SSBP2: variants seen among roughly 807,000 people sequenced by gnomAD.
SSBP2 encodes the protein single stranded DNA binding protein 2.
In SSBP2, 17 loss-of-function variants were observed where a neutral mutation model predicts 61.8. The observed-to-expected ratio is 0.28, with a 90% CI of 0.19 to 0.41. The LOEUF (loss-of-function observed/expected upper bound fraction) is 0.41. Ranked by LOEUF, SSBP2 falls within the 10% of genes least tolerant of loss-of-function variation. SSBP2 has a pLI of 1.00. For synonymous variants in SSBP2, 139 were observed against 141.3 expected (o/e 0.98, Z 0.12); for missense variants, 310 against 458.7 (o/e 0.68, Z 2.96).
At chr5:81,497,975 T>C (rs897824814) in intron 5 of SSBP2, among the ~76,000 whole-genome samples, 3 of 152,158 alleles carry the variant, frequency 2.0e-5, no homozygotes, top group East Asian at 1.9e-4. Context: ...AACAATTCTA[T>C]ATAGCAGTTT....
intron 1 of SSBP2, among the ~76,000 whole-genome samples, chr5:81,661,083 G>A (rs1408458908): frequency 6.6e-6 from 1 of 152,058 alleles, no homozygotes; most frequent in African/African-American, 2.4e-5. Context: ...TAGATGACAG[G>A]TTGATAGGTA....
intron 4 of SSBP2, among the ~76,000 whole-genome samples, chr5:81,537,208 G>GC (rs1770876400): frequency 6.6e-6 from 1 of 152,028 alleles, no homozygotes; most frequent in Non-Finnish European, 1.5e-5. Flanking sequence ...TTTTGGGGGG[G>GC]ATTTCTGTGA....
intron 12 of SSBP2, 45 bp from the exon 13 acceptor site, chr5:81,442,768 TACCCAA>T (rs765067977): frequency 9.7e-7 from 1 of 1,027,750 alleles, no homozygotes. Context: ...TTAGAGTCTA[TACCCAA>T]TTCATCACAA....
At chr5:81,740,984 G>A (rs1445198520) in intron 1 of SSBP2, among the ~76,000 whole-genome samples, 1 of 152,010 alleles carries the variant, frequency 6.6e-6, no homozygotes, top group African/African-American at 2.4e-5. Flanking sequence ...CCATCCTCAT[G>A]CCACCTCCCA....
chr5:81,657,532 T>C (rs1021261553), intron 1 of SSBP2, among the ~76,000 whole-genome samples: 7 of 152,216 alleles, frequency 4.6e-5, no homozygotes, highest in African/African-American at 1.4e-4. Flanking sequence ...AAGTAACAGA[T>C]GAAGTCCAAC....
intron 4 of SSBP2, among the ~76,000 whole-genome samples, chr5:81,586,565 G>T (rs1775067126): frequency 6.8e-6 from 1 of 147,858 alleles, no homozygotes; most frequent in African/African-American, 2.5e-5. Context: ...GTTCTGTATT[G>T]ATTCTAAATA....
At chr5:81,637,968 T>C (rs997627179) in intron 2 of SSBP2, among the ~76,000 whole-genome samples, 12 of 151,932 alleles carry the variant, frequency 7.9e-5, no homozygotes, top group African/African-American at 1.5e-4. Flanking sequence ...ATGGATGAAA[T>C]TGGAAATCAT....
At chr5:81,645,554 T>A (rs945074964) in intron 2 of SSBP2, among the ~76,000 whole-genome samples, 1 of 152,224 alleles carries the variant, frequency 6.6e-6, no homozygotes, top group African/African-American at 2.4e-5. Flanking sequence ...TTCTGAGACA[T>A]GAATACCATG....
At chr5:81,631,650 A>G (rs1056061797) in intron 3 of SSBP2, among the ~76,000 whole-genome samples, 3 of 152,088 alleles carry the variant, frequency 2.0e-5, no homozygotes, top group Non-Finnish European at 2.9e-5. Context: ...GCGCCTACTC[A>G]GTTCTTTCTC....
At chr5:81,620,218 C>A in intron 3 of SSBP2, among the ~76,000 whole-genome samples, 1 of 112,514 alleles carries the variant, frequency 8.9e-6, no homozygotes, top group Non-Finnish European at 1.8e-5. Flanking sequence ...TCGTCTCAGC[C>A]CAAAATCTCC....
intron 4 of SSBP2, among the ~76,000 whole-genome samples, chr5:81,564,304 G>A (rs1311145134): frequency 6.6e-6 from 1 of 152,150 alleles, no homozygotes; most frequent in Non-Finnish European, 1.5e-5. Context: ...GGGAGGGAAG[G>A]AAGGAGGAAG....
At chr5:81,722,331 C>T (rs1287995173) in intron 1 of SSBP2, among the ~76,000 whole-genome samples, 2 of 151,532 alleles carry the variant, frequency 1.3e-5, no homozygotes, top group Non-Finnish European at 2.9e-5. Context: ...ACTATACAGG[C>T]ACATTGTGAA....
At chr5:81,707,501 A>G (rs901659169) in intron 1 of SSBP2, among the ~76,000 whole-genome samples, 11 of 152,142 alleles carry the variant, frequency 7.2e-5, no homozygotes, top group African/African-American at 2.7e-4. Context: ...GCAAGGAGAG[A>G]GACCTGGAAC....
chr5:81,711,538 G>A (rs1008729977), intron 1 of SSBP2, among the ~76,000 whole-genome samples: 2 of 152,010 alleles, frequency 1.3e-5, no homozygotes, highest in Non-Finnish European at 2.9e-5. Flanking sequence ...GTATAAGAGG[G>A]AAAGAAGTTG....
Position 81,493,810 on chromosome 5 carries a change from C to T in SSBP2, c.373-4501G>A, listed in dbSNP as rs1259917701. 2.0e-5 allele frequency among the ~76,000 whole-genome samples: 3 copies of T among 151,918 alleles called. No homozygotes were observed. In the East Asian group the frequency reaches 5.8e-4, roughly 29 times the overall value. On this transcript the variant is annotated intron_variant, in intron 5 of 16. Transcript: ENST00000320672. ...ATGGGTGCTCGCTCTGCTGCCCAGGCTGGTCTCAAACTCCTGGGCTCAAGT... is the reference window on the plus strand; with the variant it reads ...ATGGGTGCTCGCTCTGCTGCCCAGGTTGGTCTCAAACTCCTGGGCTCAAGT...
chr5:81,515,416 G>A (rs912040396), intron 4 of SSBP2, among the ~76,000 whole-genome samples: 29 of 152,030 alleles, frequency 1.9e-4, no homozygotes, highest in Middle Eastern at 3.4e-3. Context: ...ACACTCACCT[G>A]TACTTTCAAA....
chr5:81,473,303 A>G (rs913427399), intron 8 of SSBP2, among the ~76,000 whole-genome samples: 4 of 152,176 alleles, frequency 2.6e-5, no homozygotes, highest in African/African-American at 7.2e-5. Context: ...GGTTTGTTAC[A>G]TAGGTATATG....
At chr5:81,472,527 A>G (rs1212260311) in intron 8 of SSBP2, among the ~76,000 whole-genome samples, 1 of 152,208 alleles carries the variant, frequency 6.6e-6, no homozygotes, top group Non-Finnish European at 1.5e-5. Context: ...TGTCAATGAC[A>G]GTCTTTAAGA....
intron 4 of SSBP2, among the ~76,000 whole-genome samples, chr5:81,551,666 C>T (rs1772200045): frequency 6.6e-6 from 1 of 152,088 alleles, no homozygotes; most frequent in African/African-American, 2.4e-5. Context: ...AAGCTCTCAA[C>T]TTAAATCTTA....
Sources: allele counts gnomAD v4.1 joint callset (sites outside exome capture counted in the v4.1 genomes callset), GRCh38; gene constraint gnomAD v4.1.1; transcripts MANE v1.5; gene names NCBI Gene and HGNC (gene_info 2026-07-23, HGNC 2026-07-21).